LIAT1: variants seen among roughly 807,000 people sequenced by gnomAD.
LIAT1 encodes the protein ligand of ATE1, also known as protein LIAT1.
the LIAT1 span, among the ~76,000 whole-genome samples, chr17:411,963 T>C: frequency 6.6e-6 from 1 of 151,974 alleles, no homozygotes; most frequent in Non-Finnish European, 1.5e-5. Flanking sequence ...GGAGGCAGAG[T>C]GGCAGCCTCG....
the LIAT1 span, among the ~76,000 whole-genome samples, chr17:411,538 A>T: frequency 2.0e-5 from 3 of 152,174 alleles, no homozygotes; most frequent in African/African-American, 7.2e-5. Context: ...GTCTCTCAAA[A>T]AAACAAACAA....
the LIAT1 span, chr17:410,518 A>C: frequency 6.5e-7 from 1 of 1,545,036 alleles, no homozygotes. Context: ...GAGGAGCGGG[A>C]GGGCGGCGCC....
chr17:414,013 C>A, the LIAT1 span: 1 of 1,614,266 alleles, frequency 6.2e-7, no homozygotes, highest in South Asian at 1.1e-5. The surrounding 1 kb of genome is among the most constrained non-coding windows in gnomAD (Gnocchi z 4.1). Context: ...GCTCCAGCCA[C>A]AGGCAGCCCA....
At chr17:413,830 CAAGG>C in the LIAT1 span, 1 of 1,540,100 alleles carries the variant, frequency 6.5e-7, no homozygotes. Context: ...ACCCCGACCC[CAAGG>C]CCCTCAAGGG....
the LIAT1 span, chr17:410,665 C>G: frequency 6.5e-7 from 1 of 1,536,080 alleles, no homozygotes; most frequent in Non-Finnish European, 8.7e-7. Flanking sequence ...AGCAGCTAGC[C>G]CGGCTGCGTC....
the LIAT1 span, chr17:413,188 T>C: frequency 6.2e-7 from 1 of 1,614,188 alleles, no homozygotes; most frequent in East Asian, 2.2e-5. Context: ...AGCCGCTTTC[T>C]TCCTCCTTTC....
At chr17:413,090 C>A in the LIAT1 span, 4 of 1,575,554 alleles carry the variant, frequency 2.5e-6, no homozygotes, top group Non-Finnish European at 3.4e-6. Context: ...TGGCACCATC[C>A]CCAGCAGGCC....
the LIAT1 span, among the ~76,000 whole-genome samples, chr17:412,897 T>C: frequency 3.9e-4 from 59 of 152,348 alleles, no homozygotes; most frequent in African/African-American, 1.4e-3. Context: ...ACCCGAAGAA[T>C]AGGGCCGATC....
chr17:413,706 A>G, the LIAT1 span: 1 of 1,568,734 alleles, frequency 6.4e-7, no homozygotes, highest in African/African-American at 1.5e-5. Flanking sequence ...TTCCACATTG[A>G]CCCCGAGGCC....
the LIAT1 span, among the ~76,000 whole-genome samples, chr17:412,261 C>T: frequency 1.3e-5 from 2 of 151,284 alleles, no homozygotes; most frequent in African/African-American, 4.9e-5. Context: ...AAGATTGTGC[C>T]ACTGTGCTCC....
the LIAT1 span, among the ~76,000 whole-genome samples, chr17:411,649 A>C: frequency 6.6e-6 from 1 of 152,230 alleles, no homozygotes; most frequent in African/African-American, 2.4e-5. Context: ...ATATGCAGGC[A>C]GGAATTGCAG....
chr17:410,731 C>T, the LIAT1 span: 20 of 1,323,112 alleles, frequency 1.5e-5, 1 homozygote, highest in South Asian at 2.7e-4. Flanking sequence ...CCCTTCAGAC[C>T]GGAAACAGAA....
At chr17:410,882 A>C in the LIAT1 span, among the ~76,000 whole-genome samples, 5 of 151,884 alleles carry the variant, frequency 3.3e-5, no homozygotes, top group African/African-American at 1.2e-4. Flanking sequence ...ACAGATATCC[A>C]CCATTCCTAA....
the LIAT1 span, chr17:410,353 G>A: frequency 6.7e-7 from 1 of 1,484,848 alleles, no homozygotes; most frequent in East Asian, 2.5e-5. Flanking sequence ...ATGGAGACGC[G>A]TGGCCCTGGC....
At chr17:414,236 G>A in the LIAT1 span, 31 of 1,257,048 alleles carry the variant, frequency 2.5e-5, no homozygotes, top group Middle Eastern at 2.6e-4. The surrounding 1 kb of genome is among the most constrained non-coding windows in gnomAD (Gnocchi z 4.1). Context: ...TTCGGTACAC[G>A]GACGACGCCG....
the LIAT1 span, chr17:410,683 G>A: frequency 1.3e-6 from 2 of 1,526,038 alleles, no homozygotes; most frequent in Non-Finnish European, 1.8e-6. Context: ...GTCAGCTCCG[G>A]TTCCCTGGAG....
At chr17:410,438 G>A in the LIAT1 span, 49 of 1,538,638 alleles carry the variant, frequency 3.2e-5, no homozygotes, top group Non-Finnish European at 4.3e-5. Context: ...TTGGGTTGCA[G>A]CCCAGCGGGC....
At chr17:410,448 C>T in the LIAT1 span, 730 of 1,539,180 alleles carry the variant, frequency 4.7e-4, 3 homozygotes, top group African/African-American at 6.9e-3. Context: ...GCCCAGCGGG[C>T]GGCTGGACCG....
the LIAT1 span, chr17:414,305 A>G: frequency 2.6e-5 from 17 of 644,590 alleles, no homozygotes; most frequent in Middle Eastern, 8.7e-4. The surrounding 1 kb of genome is among the most constrained non-coding windows in gnomAD (Gnocchi z 4.1). Flanking sequence ...CCTTGAGAAC[A>G]TAAGCAATTT....
Sources: allele counts gnomAD v4.1 joint callset (sites outside exome capture counted in the v4.1 genomes callset), GRCh38; gene constraint gnomAD v4.1.1; non-coding constraint Gnocchi (gnomAD v3.1); transcripts MANE v1.5; gene names NCBI Gene and HGNC (gene_info 2026-07-23, HGNC 2026-07-21).